The following NOX3 variants were observed in gnomAD, a reference collection of about 807,000 sequenced individuals.
NOX3 encodes NADPH oxidase 3.
Under a neutral mutation model 76.7 loss-of-function variants are expected in NOX3, and 74 were observed. The observed-to-expected ratio is 0.96, with a 90% CI of 0.80 to 1.17. The LOEUF (loss-of-function observed/expected upper bound fraction) is 1.17, where lower values mean the gene tolerates loss of function less well. Among genes scored for constraint, NOX3 ranks in the 50% most tolerant of loss-of-function variants. The pLI is 0.00. For missense variants in NOX3, 695 were observed against 703.3 expected (o/e 0.99, Z 0.13); for synonymous variants, 263 against 261.1 (o/e 1.01, Z -0.07).
At chr6:155,425,886 T>C (rs1776749255) in intron 9 of NOX3, among the ~76,000 whole-genome samples, 1 of 152,288 alleles carries the variant, frequency 6.6e-6, no homozygotes, top group Admixed American at 6.5e-5. Flanking sequence ...AGAGCTCACA[T>C]TCTCTCCCTT....
chr6:155,445,050 C>T (rs577801129), intron 4 of NOX3, among the ~76,000 whole-genome samples: 5 of 152,328 alleles, frequency 3.3e-5, no homozygotes, highest in South Asian at 2.1e-4. Flanking sequence ...AACCCAGCAT[C>T]GTCTGGCCTG....
At position 155,414,568 on chromosome 6, in the gene NOX3, A is replaced by C. The variant is rs532894040; in HGVS notation, c.1309-3208T>G. 4.0e-5 allele frequency among the ~76,000 whole-genome samples: 6 copies of C among 151,868 alleles called. No homozygotes were observed. The South Asian group carries it at 1.3e-3, about 32-fold the overall frequency. On this transcript the variant is annotated intron_variant, in intron 10 of 13. Coordinates refer to ENST00000159060, the MANE Select transcript of NOX3 (RefSeq NM_015718.3). The stretch of plus-strand genomic sequence containing the variant: ...AAAGTTCTGAACTTTCATAGTAATA[A>C]AATTATTTTTTTTTACAGGACTCAT...
chr6:155,450,624 C>T (rs369251249), intron 4 of NOX3, among the ~76,000 whole-genome samples: 10 of 151,982 alleles, frequency 6.6e-5, no homozygotes, highest in African/African-American at 1.7e-4. Flanking sequence ...TCAGAGGCTG[C>T]GCTGGGGGAG....
chr6:155,412,226 T>G (rs1251472480), intron 10 of NOX3, among the ~76,000 whole-genome samples: 1 of 152,150 alleles, frequency 6.6e-6, no homozygotes, highest in Non-Finnish European at 1.5e-5. Context: ...TGGTCTTGAT[T>G]CCAGCTGCTG....
chr6:155,448,793 C>T (rs1777098268), intron 4 of NOX3, among the ~76,000 whole-genome samples: 1 of 152,078 alleles, frequency 6.6e-6, no homozygotes, highest in Admixed American at 6.6e-5. Flanking sequence ...TCCTTGCTGT[C>T]TTTCTGCCTG....
intron 4 of NOX3, among the ~76,000 whole-genome samples, chr6:155,451,781 C>A (rs542796671): frequency 6.6e-6 from 1 of 151,980 alleles, no homozygotes; most frequent in Non-Finnish European, 1.5e-5. Context: ...TGCACCACCA[C>A]GCCCAGCTAA....
chr6:155,452,568 T>G (rs1449084299), intron 4 of NOX3, among the ~76,000 whole-genome samples: 1 of 152,162 alleles, frequency 6.6e-6, no homozygotes, highest in Non-Finnish European at 1.5e-5. Context: ...TAATTGGCAC[T>G]CGGGCACCGT....
At chr6:155,421,382 C>T (rs971987622) in intron 10 of NOX3, among the ~76,000 whole-genome samples, 2 of 152,176 alleles carry the variant, frequency 1.3e-5, no homozygotes, top group African/African-American at 2.4e-5. Context: ...CACTTGGAAA[C>T]TCATGAAATA....
At chr6:155,411,631 C>G (rs1776553547) in intron 10 of NOX3, among the ~76,000 whole-genome samples, 1 of 152,226 alleles carries the variant, frequency 6.6e-6, no homozygotes, top group Admixed American at 6.5e-5. Flanking sequence ...CAACTCACCA[C>G]ATTTCTGGCT....
chr6:155,446,509 C>T (rs1035818697), intron 4 of NOX3, among the ~76,000 whole-genome samples: 1 of 152,116 alleles, frequency 6.6e-6, no homozygotes, highest in Non-Finnish European at 1.5e-5. Flanking sequence ...ATTCGACAGA[C>T]CAGTATTCAA....
At chr6:155,412,782 G>A (rs934511829) in intron 10 of NOX3, among the ~76,000 whole-genome samples, 7 of 152,178 alleles carry the variant, frequency 4.6e-5, no homozygotes, top group Non-Finnish European at 1.0e-4. Context: ...CAACAAATAT[G>A]TATTGAGTGC....
At position 155,407,210 on chromosome 6, in the gene NOX3, AATCACGTCAGT is replaced by A. The variant is rs772001522; in HGVS notation, c.1489_1499del (p.Thr497TyrfsTer17). ...AGAAGGTCTTCTGCTTTAAGCCTGTAATCACGTCAGTATTTTCGTCCCAGTGTAAAGCTATG... is the reference window on the plus strand; with the variant it reads ...AGAAGGTCTTCTGCTTTAAGCCTGTAATTTTCGTCCCAGTGTAAAGCTATG... On this transcript the variant is annotated frameshift_variant, in exon 12 of 14. Coordinates refer to ENST00000159060, the MANE Select transcript of NOX3 (RefSeq NM_015718.3). LOFTEE classifies it high-confidence loss of function. 1.1e-5 allele frequency: 18 copies of A among 1,613,976 alleles called. No individual in the cohort carries two copies. The highest frequency in any genetic ancestry group is 1.5e-5 in the Non-Finnish European group (18 of 1,179,962).
At chr6:155,415,800 C>T (rs571532927) in intron 10 of NOX3, among the ~76,000 whole-genome samples, 30 of 152,348 alleles carry the variant, frequency 2.0e-4, no homozygotes, top group African/African-American at 6.7e-4. Context: ...TTTAATGCAA[C>T]GTCTGGCAGA....
intron 6 of NOX3, among the ~76,000 whole-genome samples, chr6:155,437,267 A>G (rs1776918673): frequency 6.6e-6 from 1 of 152,204 alleles, no homozygotes; most frequent in South Asian, 2.1e-4. Flanking sequence ...CTTGGTGCAC[A>G]GACAGCAAAG....
chr6:155,432,283 T>C (rs11961314), intron 7 of NOX3, among the ~76,000 whole-genome samples: 12,588 of 151,950 alleles, frequency 0.083, 1,069 homozygotes, highest in African/African-American at 0.21. Flanking sequence ...TGGGTCTGAG[T>C]TGCCTGGAGA....
chr6:155,422,711 G>A lies in NOX3; in HGVS notation c.1291C>T (p.Pro431Ser). ...TTCCGTACCTTGCTCAGCTTCAGTG[G>A]GGTCTGTGCCTCACTGCATTTGTAC... ...IWYKCSEAQT[P>S]LKLSKVYFYW... Residue 431 changes from proline to serine, a missense_variant, in exon 10 of 14, where the codon CCA (proline) becomes TCA (serine). Transcript: ENST00000159060. The A allele has an allele frequency of 6.2e-7, 1 of 1,614,036 alleles. No homozygotes were observed. Among genetic ancestry groups the A allele is most frequent in the South Asian group, 1.1e-5 (1 of 91,050 alleles).
chr6:155,432,787 G>C (rs1203040326), intron 7 of NOX3, among the ~76,000 whole-genome samples: 2 of 152,172 alleles, frequency 1.3e-5, no homozygotes, highest in Non-Finnish European at 2.9e-5. Context: ...ACAGCAAAGA[G>C]AATAAACCTT....
intron 10 of NOX3, among the ~76,000 whole-genome samples, chr6:155,419,427 G>A (rs1776660998): frequency 6.6e-6 from 1 of 152,122 alleles, no homozygotes; most frequent in African/African-American, 2.4e-5. Flanking sequence ...TCCGCTCGAG[G>A]TGCAGATACT....
chr6:155,428,819 G>A lies in NOX3; in HGVS notation c.1120C>T (p.Leu374Phe). ...LEAFGAEGQALQEPWSLPRLA... is the reference protein window; with the variant it reads ...LEAFGAEGQAFQEPWSLPRLA... ...CTTGGCAGGCTCCAGGGCTCCTGGAGGGCCTGTCCCTCTGCCCCAAAGGCC... is the reference window on the plus strand; with the variant it reads ...CTTGGCAGGCTCCAGGGCTCCTGGAAGGCCTGTCCCTCTGCCCCAAAGGCC... The change falls in exon 9 of 14, where the codon CTC becomes TTC. Residue 374 changes from leucine to phenylalanine, a missense_variant. Physicochemically the swap from Leu to Phe is conservative, Grantham distance 22. Coordinates refer to ENST00000159060, the MANE Select transcript of NOX3 (RefSeq NM_015718.3). 4 of 1,540,268 alleles carry A rather than the reference G, an allele frequency of 2.6e-6. No individual in the cohort carries two copies. Among genetic ancestry groups the A allele is most frequent in the Non-Finnish European group, 2.6e-6 (3 of 1,139,344 alleles).
Sources: allele counts gnomAD v4.1 joint callset (sites outside exome capture counted in the v4.1 genomes callset), GRCh38; gene constraint gnomAD v4.1.1; transcripts MANE v1.5; gene names NCBI Gene and HGNC (gene_info 2026-07-23, HGNC 2026-07-21).